Variants in HMGB1 observed in about 807,000 individuals in gnomAD.
HMGB1 encodes high mobility group box 1, also known as high mobility group protein B1.
For synonymous variants in HMGB1, 81 were observed against 84.0 expected (o/e 0.96, Z 0.19); for missense variants, 79 against 253.5 (o/e 0.31, Z 4.67).
chr13:30,572,576 T>C (rs1005773834), intron 1 of HMGB1, among the ~76,000 whole-genome samples: 8 of 152,206 alleles, frequency 5.3e-5, no homozygotes, highest in Admixed American at 6.5e-5. Context: ...TCTTAAGACA[T>C]TTTTCTAGTA....
rs182271906 is a variant in HMGB1 at position 30,505,431 on chromosome 13, A to G, written c.-14-41737T>C. Among the ~76,000 whole-genome samples the G allele has an allele frequency of 5.2e-3, 778 of 148,484 alleles. 4 individuals carry two copies. Among genetic ancestry groups the G allele is most frequent in the Non-Finnish European group, 7.8e-3 (528 of 67,920 alleles). On this transcript the variant is annotated intron_variant, in intron 1 of 4. Transcript: ENST00000405805. ...CTGACCTCGTGATCAGCCCACCTTG[A>G]CCTCCCAAAGTGCTGGGATTACAGG...
intron 1 of HMGB1, among the ~76,000 whole-genome samples, chr13:30,596,038 C>T (rs985928534): frequency 3.9e-5 from 6 of 152,198 alleles, no homozygotes; most frequent in Non-Finnish European, 8.8e-5. Flanking sequence ...GAAGAGAAAA[C>T]ACCAGGGGAG....
At chr13:30,531,267 C>T (rs531334114) in intron 1 of HMGB1, among the ~76,000 whole-genome samples, 2 of 152,176 alleles carry the variant, frequency 1.3e-5, no homozygotes, top group East Asian at 3.9e-4. Flanking sequence ...TGATGGCATC[C>T]CCTGTGACAG....
intron 1 of HMGB1, among the ~76,000 whole-genome samples, chr13:30,608,450 G>A (rs187836328): frequency 1.3e-5 from 2 of 152,256 alleles, no homozygotes; most frequent in Admixed American, 6.5e-5. Context: ...TTGAGGGCAT[G>A]AGGAAAGCTC....
chr13:30,597,833 C>T (rs556423825), intron 1 of HMGB1, among the ~76,000 whole-genome samples: 2 of 152,168 alleles, frequency 1.3e-5, no homozygotes, highest in Non-Finnish European at 2.9e-5. Flanking sequence ...TCACATTTGA[C>T]TCATAGCCTG....
Position 30,554,862 on chromosome 13 carries a change from A to G in HMGB1, c.-15+61809T>C, listed in dbSNP as rs558616960. Among the ~76,000 whole-genome samples, 143 of 152,162 alleles carry G rather than the reference A, an allele frequency of 9.4e-4. 1 individual carries two copies. Among genetic ancestry groups the G allele is most frequent in the African/African-American group, 3.3e-3 (137 of 41,542 alleles). On this transcript the variant is annotated intron_variant, in intron 1 of 4. Transcript: ENST00000405805. ...ATTCTGGAGCTATAAATTTTGAACC[A>G]CTGATGTGCAAAACAAGACCTGAAG...
In HMGB1 at chr13:30,459,088, AACCC is replaced by A. The variant is rs1445229355; in HGVS notation, c.*2265_*2268del. 6.6e-6 allele frequency: 1 copy of A among 152,188 alleles called. No homozygotes were observed. The highest frequency in any genetic ancestry group is 2.4e-5 in the African/African-American group (1 of 41,452). The allele number at this position is 152,188 out of a possible 1,614,324, so 9.4% of individuals were successfully genotyped here. A position where few individuals can be genotyped will look rare whatever the true frequency, so the allele number is the denominator to read the frequency against. Reference sequence around the variant, plus strand: ...TTTCTTGATGTCAACAAAGTCTTTAAACCCCACAGCACTGTAACTATCTTGGCAT... The same window carrying A: ...TTTCTTGATGTCAACAAAGTCTTTAACACAGCACTGTAACTATCTTGGCAT... On this transcript the variant is annotated 3_prime_UTR_variant, in exon 5 of 5. Transcript: ENST00000341423.
intron 1 of HMGB1, among the ~76,000 whole-genome samples, chr13:30,528,666 G>A (rs992083864): frequency 1.3e-5 from 2 of 152,124 alleles, no homozygotes; most frequent in South Asian, 2.1e-4. Context: ...AGTTAAAAAC[G>A]GAGAACTACT....
At chr13:30,613,623 T>C (rs958247736) in intron 1 of HMGB1, among the ~76,000 whole-genome samples, 4 of 152,228 alleles carry the variant, frequency 2.6e-5, no homozygotes, top group African/African-American at 9.6e-5. Flanking sequence ...TTGCTTCATA[T>C]ATACATACTT....
At chr13:30,610,471 C>T (rs1283937286) in intron 1 of HMGB1, among the ~76,000 whole-genome samples, 1 of 152,158 alleles carries the variant, frequency 6.6e-6, no homozygotes, top group Non-Finnish European at 1.5e-5. Flanking sequence ...GCTGTGAGGG[C>T]ATATTAACTG....
At chr13:30,506,502 C>T (rs957261527) in intron 1 of HMGB1, among the ~76,000 whole-genome samples, 1 of 152,172 alleles carries the variant, frequency 6.6e-6, no homozygotes, top group African/African-American at 2.4e-5. Context: ...CATCTGCCCT[C>T]ACACTTCTCC....
At chr13:30,575,255 A>G (rs1345305744) in intron 1 of HMGB1, among the ~76,000 whole-genome samples, 1 of 152,220 alleles carries the variant, frequency 6.6e-6, no homozygotes, top group Non-Finnish European at 1.5e-5. Context: ...GTGTTTTTTA[A>G]AATTTGAAAG....
At chr13:30,504,453 C>T (rs1287242774) in intron 1 of HMGB1, among the ~76,000 whole-genome samples, 1 of 152,056 alleles carries the variant, frequency 6.6e-6, no homozygotes, top group Non-Finnish European at 1.5e-5. Context: ...TTTTTTCCCC[C>T]CAACAGTTCT....
intron 1 of HMGB1, chr13:30,554,099 G>C: frequency 1.6e-6 from 2 of 1,285,078 alleles, no homozygotes; most frequent in Non-Finnish European, 2.3e-6. Context: ...GATTCAATGT[G>C]AAGCTCTTTC....
chr13:30,548,840 C>T (rs766122353), intron 1 of HMGB1, among the ~76,000 whole-genome samples: 12 of 152,164 alleles, frequency 7.9e-5, no homozygotes, highest in Non-Finnish European at 1.0e-4. Flanking sequence ...AAATGAACCA[C>T]GCTATCTTGG....
At chr13:30,572,037 T>C (rs978276381) in intron 1 of HMGB1, among the ~76,000 whole-genome samples, 1 of 152,180 alleles carries the variant, frequency 6.6e-6, no homozygotes, top group African/African-American at 2.4e-5. Flanking sequence ...GCAAATAAAA[T>C]AGCTTCAGGC....
At position 30,458,977 on chromosome 13, in the gene HMGB1, AAAC is replaced by A. The variant is rs1399484652; in HGVS notation, c.*2377_*2379del. 6.6e-6 allele frequency: 1 copy of A among 152,200 alleles called. No homozygotes were observed. Among genetic ancestry groups the A allele is most frequent in the Non-Finnish European group, 1.5e-5 (1 of 68,030 alleles). 9.4% of individuals were successfully genotyped at this position (152,200 alleles called of 1,614,324 possible). On this transcript the variant is annotated 3_prime_UTR_variant, in exon 5 of 5. Transcript: ENST00000341423. ...ATATGCCTATCTTTAAAATACAAAA[AAAC>A]TAAGATTTATACATCTTAGTTCATT...
chr13:30,488,332 A>G (rs981686180), intron 1 of HMGB1, among the ~76,000 whole-genome samples: 2 of 152,238 alleles, frequency 1.3e-5, no homozygotes, highest in Non-Finnish European at 2.9e-5. Flanking sequence ...TTATTTTCTA[A>G]TTTGGATATT....
chr13:30,572,984 A>G (rs1870496780), intron 1 of HMGB1, among the ~76,000 whole-genome samples: 2 of 152,254 alleles, frequency 1.3e-5, no homozygotes, highest in Admixed American at 6.5e-5. Flanking sequence ...CTTTTGTTTC[A>G]GTGGTGTAAG....
Sources: gnomAD v4.1 joint callset for allele counts (sites outside exome capture counted in the v4.1 genomes callset) on GRCh38, gnomAD v4.1.1 for gene constraint, MANE v1.5 for transcripts, NCBI Gene and HGNC (gene_info 2026-07-23, HGNC 2026-07-21) for gene names.